The following ZNF20 variants were observed in gnomAD, a reference collection of about 807,000 sequenced individuals.
The protein encoded by ZNF20 is zinc finger protein 20.
A neutral mutation model predicts 11.0 loss-of-function variants in ZNF20; 9 were observed. The ratio of observed to expected loss-of-function variants is 0.82; its 90% CI spans 0.49 to 1.43. The LOEUF (loss-of-function observed/expected upper bound fraction) is 1.43, where lower values mean the gene tolerates loss of function less well. ZNF20 is among the 40% of genes most tolerant of loss of function. The pLI is 0.00. For synonymous variants in ZNF20, 182 were observed against 213.0 expected (o/e 0.85, Z 1.27); for missense variants, 528 against 640.8 (o/e 0.82, Z 1.90).
rs185008610 is a variant in ZNF20, at chr19:12,138,826, A to G, written c.3+1354T>C. On this transcript the variant is annotated intron_variant, in intron 1 of 3. Coordinates refer to ENST00000334213, the MANE Select transcript of ZNF20 (RefSeq NM_021143.4). The stretch of plus-strand genomic sequence containing the variant: ...AAGAGCGAAACTCCGTCTCAAAAAA[A>G]AAAGAAAGTTGATAATACTGTGAGT... Among the ~76,000 whole-genome samples the G allele has an allele frequency of 5.4e-3, 815 of 152,300 alleles. 7 individuals carry two copies. The highest frequency in any genetic ancestry group is 8.3e-3 in the Non-Finnish European group (564 of 68,020).
At position 12,133,515 on chromosome 19, in the gene ZNF20, A is replaced by C; in HGVS notation, c.671T>G (p.Val224Gly). The C allele has an allele frequency of 6.2e-7, 1 of 1,614,218 alleles. No homozygotes were observed. The highest frequency in any genetic ancestry group is 1.6e-4 in the Middle Eastern group (1 of 6,062). Residue 224 changes from valine to glycine, a missense_variant, in exon 4 of 4, where the codon GTG becomes GGG. Coordinates refer to ENST00000334213, the MANE Select transcript of ZNF20 (RefSeq NM_021143.4). ...ACATTGTTTACACTTATATGGTTTC[A>C]CACCAGTGTGAATTCGTTCATGGAT... ...CLIHERIHTG[V>G]KPYKCKQCGK...
At position 12,137,315 on chromosome 19, in the gene ZNF20, AAAG is replaced by A. The variant is rs369502269; in HGVS notation, c.4-1414_4-1412del. ...AGACTGTCTCAGAAAAAAAAAAAAA[AAAG>A]AAGAAGAAGAAAGCTGCACTTGACC... On this transcript the variant is annotated intron_variant, in intron 1 of 3. Transcript: ENST00000334213. 2.5e-3 allele frequency: 375 copies of A among 149,614 alleles called. 6 individuals carry two copies. The highest frequency in any genetic ancestry group is 0.017 in the Middle Eastern group (5 of 290). 9.3% of individuals were successfully genotyped at this position (149,614 alleles called of 1,614,324 possible). A position where few individuals can be genotyped will look rare whatever the true frequency, so the allele number is the denominator to read the frequency against.
chr19:12,134,653 GA>G (rs1599432517), intron 3 of ZNF20, among the ~76,000 whole-genome samples: 2 of 151,926 alleles, frequency 1.3e-5, no homozygotes, highest in African/African-American at 4.8e-5. Context: ...CAAAAAAGAA[GA>G]AAAAAACATG....
chr19:12,135,711 T>C, intron 2 of ZNF20, 58 bp downstream of exon 2: 1 of 1,606,594 alleles, frequency 6.2e-7, no homozygotes, highest in South Asian at 1.1e-5. Context: ...TGAACAGCAT[T>C]GATGAGCTAG....
chr19:12,135,458 G>A, intron 3 of ZNF20, 42 bp downstream of exon 3: 1 of 1,600,848 alleles, frequency 6.2e-7, no homozygotes, highest in Non-Finnish European at 8.6e-7. Context: ...CACATTTTAA[G>A]ATTTTCTAGA....
chr19:12,140,161 T>TC lies in ZNF20; in HGVS notation c.3+18dup. On this transcript the variant is annotated intron_variant, in intron 1 of 3. Transcript: ENST00000334213. Reference sequence around the variant, plus strand: ...CCCAGCCCCTCCCCCGTCTGGGGACTCCGGCCCCATACACTCACCATTTCC... The same window carrying TC: ...CCCAGCCCCTCCCCCGTCTGGGGACTCCCGGCCCCATACACTCACCATTTCC... The TC allele has an allele frequency of 6.3e-7, 1 of 1,598,818 alleles. No homozygotes were observed. Among genetic ancestry groups the TC allele is most frequent in the Non-Finnish European group, 8.5e-7 (1 of 1,172,522 alleles).
At position 12,133,162 on chromosome 19, in the gene ZNF20, T is replaced by C. The variant is rs775032921; in HGVS notation, c.1024A>G (p.Arg342Gly). The change falls in exon 4 of 4, where the codon AGG (arginine) becomes GGG (glycine). Residue 342 changes from arginine to glycine, a missense_variant. Physicochemically the swap from Arg to Gly is moderately radical, Grantham distance 125 (BLOSUM62 -2). Coordinates refer to ENST00000334213, the MANE Select transcript of ZNF20 (RefSeq NM_021143.4). Reference sequence around the variant, plus strand: ...CATCTGAAGGCTTTACCACATTGCCTACATTCATAGGGTTTCTCTCCAGTG... The same window carrying C: ...CATCTGAAGGCTTTACCACATTGCCCACATTCATAGGGTTTCTCTCCAGTG... ...THTGEKPYEC[R>G]QCGKAFRCTS... 2 of 1,613,862 alleles carry C rather than the reference T, an allele frequency of 1.2e-6. No individual in the cohort carries two copies. The highest frequency in any genetic ancestry group is 1.7e-6 in the Non-Finnish European group (2 of 1,179,752).
rs1221150526 is a variant in ZNF20 at position 12,132,855 on chromosome 19, G to A, written c.1331C>T (p.Thr444Ile). The A allele has an allele frequency of 1.2e-6, 2 of 1,614,012 alleles. No homozygotes were observed. The highest frequency in any genetic ancestry group is 3.3e-5 in the Admixed American group (2 of 59,990). Reference sequence around the variant, plus strand: ...CTCATATGGCTTATCTCCAGTGTGTGTCCTTTCATGTATATGCAAGGAAGA... The same window carrying A: ...CTCATATGGCTTATCTCCAGTGTGTATCCTTTCATGTATATGCAAGGAAGA... ...YFSSLHIHER[T>I]HTGDKPYECK... The change falls in exon 4 of 4, where the codon ACA becomes ATA. Residue 444 changes from threonine to isoleucine, a missense_variant. Transcript: ENST00000334213.
rs184860609 is a variant in ZNF20, at chr19:12,134,462, G to A, written c.201-477C>T. 8.3e-4 allele frequency among the ~76,000 whole-genome samples: 127 copies of A among 152,338 alleles called. 1 individual carries two copies. The Middle Eastern group carries it at 0.017, about 20-fold the overall frequency. On this transcript the variant is annotated intron_variant, in intron 3 of 3. Coordinates refer to ENST00000334213, the MANE Select transcript of ZNF20 (RefSeq NM_021143.4). ...GTTTGAGATCAGCCTGGCCAACATGGCGAAACCCTGTCTCTACTAAAAATA... is the reference window on the plus strand; with the variant it reads ...GTTTGAGATCAGCCTGGCCAACATGACGAAACCCTGTCTCTACTAAAAATA...
chr19:12,139,364 C>T lies in ZNF20; in HGVS notation c.3+816G>A, dbSNP rs989467578. On this transcript the variant is annotated intron_variant, in intron 1 of 3. Coordinates refer to ENST00000334213, the MANE Select transcript of ZNF20 (RefSeq NM_021143.4). The surrounding 1 kb of genome is among the most constrained non-coding windows in gnomAD (Gnocchi z 4.0). Reference sequence around the variant, plus strand: ...TGTGGAGTGTTAAATCCCTTCATTCCTTCCTTGCTTTGTGCGTTTTGTCCA... The same window carrying T: ...TGTGGAGTGTTAAATCCCTTCATTCTTTCCTTGCTTTGTGCGTTTTGTCCA... Among the ~76,000 whole-genome samples, 1 of 152,172 alleles carries T rather than the reference C, an allele frequency of 6.6e-6. No individual in the cohort carries two copies. Among genetic ancestry groups the T allele is most frequent in the Non-Finnish European group, 1.5e-5 (1 of 68,032 alleles).
chr19:12,135,188 G>A lies in ZNF20; in HGVS notation c.200+312C>T, dbSNP rs555930700. Among the ~76,000 whole-genome samples, 6 of 147,004 alleles carry A rather than the reference G, an allele frequency of 4.1e-5. No individual in the cohort carries two copies. In the East Asian group the frequency reaches 9.9e-4, roughly 24 times the overall value. ...GGAGTCTCGCTCTGTCACCCAGGCT[G>A]GAGTGCAGTGGTGCGATCTCGGCTC... On this transcript the variant is annotated intron_variant, in intron 3 of 3. Transcript: ENST00000334213.
intron 1 of ZNF20, 142 bp downstream of exon 1, chr19:12,140,030 CCGAGGGGA>C: frequency 9.1e-7 from 1 of 1,096,660 alleles, no homozygotes; most frequent in Middle Eastern, 3.0e-4. Context: ...CACCCTGCGG[CCGAGGGGA>C]CGCAGGGACG....
In ZNF20 at chr19:12,136,049, G is replaced by A. The variant is rs143640911; in HGVS notation, c.4-145C>T. ...CCTCTTACTTTCTGTCTATACTCAC[G>A]TCCTCCCACAAACCAACCCTTTTTT... On this transcript the variant is annotated intron_variant, in intron 1 of 3. Transcript: ENST00000334213. 629 of 1,100,278 alleles carry A rather than the reference G, an allele frequency of 5.7e-4. 4 individuals carry two copies. In the African/African-American group the frequency reaches 8.4e-3, roughly 15 times the overall value. 68.2% of individuals were successfully genotyped at this position (1,100,278 alleles called of 1,614,324 possible). A position where few individuals can be genotyped will look rare whatever the true frequency, so the allele number is the denominator to read the frequency against.
chr19:12,135,478 T>C, intron 3 of ZNF20, 22 bp downstream of exon 3: 1 of 1,612,600 alleles, frequency 6.2e-7, no homozygotes, highest in African/African-American at 1.3e-5. Flanking sequence ...AGGCATTGCC[T>C]TGTCTTGCGA....
chr19:12,134,328 AAAAAAT>A (rs1294576617), intron 3 of ZNF20, among the ~76,000 whole-genome samples: 2 of 151,846 alleles, frequency 1.3e-5, no homozygotes, highest in Non-Finnish European at 1.5e-5. Context: ...CTGTCTCAAA[AAAAAAT>A]AAAAAAATAA....
At chr19:12,137,555 C>T (rs28821538) in intron 1 of ZNF20, 2,229 of 152,488 alleles carry the variant, frequency 0.015, 49 homozygotes, top group African/African-American at 0.051. Flanking sequence ...CTGCTTGCTC[C>T]AAATCTATCA....
At chr19:12,137,317 A>G (rs1036256524) in intron 1 of ZNF20, 4 of 142,786 alleles carry the variant, frequency 2.8e-5, no homozygotes, top group African/African-American at 5.7e-5. Context: ...AAAAAAAAAA[A>G]GAAGAAGAAG....
chr19:12,138,008 T>G (rs916605475), intron 1 of ZNF20, among the ~76,000 whole-genome samples: 3 of 152,118 alleles, frequency 2.0e-5, no homozygotes, highest in African/African-American at 7.2e-5. Context: ...GGCTATCCTC[T>G]GGGAGGACTG....
intron 3 of ZNF20, among the ~76,000 whole-genome samples, chr19:12,134,381 G>A (rs566490884): frequency 1.9e-4 from 29 of 151,160 alleles, no homozygotes; most frequent in African/African-American, 6.3e-4. Context: ...GGTGGGTCAC[G>A]CCTGTAATCC....
Sources: gnomAD v4.1 joint callset for allele counts (sites outside exome capture counted in the v4.1 genomes callset) on GRCh38, gnomAD v4.1.1 for gene constraint, Gnocchi (gnomAD v3.1) non-coding constraint, MANE v1.5 for transcripts, NCBI Gene and HGNC (gene_info 2026-07-23, HGNC 2026-07-21) for gene names.